Variants in PLCH1 observed in about 807,000 individuals in gnomAD.
The protein encoded by PLCH1 is 1-phosphatidylinositol 4,5-bisphosphate phosphodiesterase eta-1.
In PLCH1, 60 loss-of-function variants were observed where a neutral mutation model predicts 126.7. That is an observed-to-expected ratio of 0.47 (90% CI 0.38 to 0.59). PLCH1 has a LOEUF of 0.59. PLCH1 is among the 20% of genes least tolerant of loss of function. The pLI is 0.00. For missense variants in PLCH1, 1,723 were observed against 2,040.0 expected, an observed-to-expected ratio of 0.84 and a Z score of 2.99; for synonymous variants, 719 against 734.9, an observed-to-expected ratio of 0.98 and a Z score of 0.35.
At chr3:155,724,813 T>TGTGTGTGTG (rs1015618805) in intron 1 of PLCH1, among the ~76,000 whole-genome samples, 9 of 140,064 alleles carry the variant, frequency 6.4e-5, no homozygotes, top group African/African-American at 1.4e-4. Flanking sequence ...TTGGGGGGTT[T>TGTGTGTGTG]TGTGTGTGTG....
At chr3:155,544,455 A>G (rs1724889863) in intron 10 of PLCH1, among the ~76,000 whole-genome samples, 2 of 152,190 alleles carry the variant, frequency 1.3e-5, no homozygotes, top group African/African-American at 4.8e-5. Flanking sequence ...TTAACACCCC[A>G]CTGTCAACAT....
chr3:155,597,251 A>C (rs1448824116), intron 2 of PLCH1, among the ~76,000 whole-genome samples: 1 of 152,180 alleles, frequency 6.6e-6, no homozygotes, highest in Non-Finnish European at 1.5e-5. Context: ...ACTCCCTCCC[A>C]AGAACATAAA....
At position 155,704,157 on chromosome 3, in the gene PLCH1, CTGT is replaced by C; in HGVS notation, c.65_67del (p.Asn22del). ...AAGAGACAGCTTACCATGAAACACACTGTTGTCCACCAGAAAATGCCTGCGGTA... is the reference window on the plus strand; with the variant it reads ...AAGAGACAGCTTACCATGAAACACACTGTCCACCAGAAAATGCCTGCGGTA... On this transcript the variant is annotated inframe_deletion, in exon 2 of 23. Transcript: ENST00000460012. 1 of 1,219,708 alleles carries C rather than the reference CTGT, an allele frequency of 8.2e-7. No homozygotes were observed. The highest frequency in any genetic ancestry group is 1.0e-6 in the Non-Finnish European group (1 of 976,936). 75.6% of individuals were successfully genotyped at this position (1,219,708 alleles called of 1,614,324 possible).
intron 8 of PLCH1, among the ~76,000 whole-genome samples, chr3:155,560,207 C>A (rs1727385776): frequency 6.6e-6 from 1 of 152,136 alleles, no homozygotes; most frequent in Non-Finnish European, 1.5e-5. Context: ...GTACTTGAAC[C>A]TCCAAGAAAA....
At chr3:155,486,614 T>TC (rs1200593316) in intron 21 of PLCH1, among the ~76,000 whole-genome samples, 1 of 150,274 alleles carries the variant, frequency 6.7e-6, no homozygotes, top group East Asian at 2.0e-4. Flanking sequence ...AAGCTCCGCT[T>TC]CCCGGGTTCA....
At chr3:155,597,834 G>C (rs1034470181) in intron 2 of PLCH1, among the ~76,000 whole-genome samples, 4 of 152,162 alleles carry the variant, frequency 2.6e-5, no homozygotes, top group African/African-American at 9.7e-5. Context: ...AGAAGATGAA[G>C]TATAGGTTGC....
chr3:155,514,677 C>CT (rs371130892), intron 12 of PLCH1, 46 bp downstream of exon 12: 1,360 of 1,218,318 alleles, frequency 1.1e-3, no homozygotes, highest in Non-Finnish European at 1.3e-3. Context: ...GTATGAGATG[C>CT]TTTTTTTTTC....
chr3:155,713,511 T>C (rs1747295077), intron 1 of PLCH1, among the ~76,000 whole-genome samples: 1 of 152,176 alleles, frequency 6.6e-6, no homozygotes, highest in Non-Finnish European at 1.5e-5. Flanking sequence ...GAGGTGTGTG[T>C]GTTCTCCAAA....
chr3:155,529,318 T>C (rs1722357861), intron 10 of PLCH1, among the ~76,000 whole-genome samples: 2 of 152,064 alleles, frequency 1.3e-5, no homozygotes, highest in South Asian at 4.1e-4. Context: ...TTCACATCTG[T>C]AAAAGCAGGA....
chr3:155,663,135 A>G (rs1464451487), intron 2 of PLCH1, among the ~76,000 whole-genome samples: 1 of 152,242 alleles, frequency 6.6e-6, no homozygotes, highest in East Asian at 1.9e-4. Flanking sequence ...GGAATGAGAC[A>G]CTGTCCCTGT....
At chr3:155,451,159 G>T (rs1712299773) in intron 21 of PLCH1, among the ~76,000 whole-genome samples, 1 of 151,724 alleles carries the variant, frequency 6.6e-6, no homozygotes, top group African/African-American at 2.4e-5. Context: ...ATAAATAAGA[G>T]AATTCAAATT....
At chr3:155,527,097 G>C (rs1012420781) in intron 10 of PLCH1, among the ~76,000 whole-genome samples, 1 of 152,096 alleles carries the variant, frequency 6.6e-6, no homozygotes, top group African/African-American at 2.4e-5. Context: ...TCAATGTCTG[G>C]GACAGGTTCA....
At chr3:155,687,423 T>C (rs1227277086) in intron 2 of PLCH1, among the ~76,000 whole-genome samples, 2 of 152,158 alleles carry the variant, frequency 1.3e-5, no homozygotes, top group Admixed American at 6.5e-5. Context: ...TATAAATTAA[T>C]CTAATTTAGA....
At chr3:155,599,104 T>C (rs1031687418) in intron 2 of PLCH1, among the ~76,000 whole-genome samples, 3 of 149,010 alleles carry the variant, frequency 2.0e-5, no homozygotes, top group African/African-American at 4.9e-5. Flanking sequence ...AGTGAATCTG[T>C]TGGGACTCTG....
At chr3:155,708,812 C>T (rs1282514162) in intron 1 of PLCH1, among the ~76,000 whole-genome samples, 1 of 152,070 alleles carries the variant, frequency 6.6e-6, no homozygotes. Context: ...ACATTCAGAA[C>T]TCGATAAGCA....
chr3:155,547,784 G>T (rs539326335), intron 10 of PLCH1, among the ~76,000 whole-genome samples: 413 of 149,628 alleles, frequency 2.8e-3, no homozygotes, highest in Non-Finnish European at 4.8e-3. Flanking sequence ...GTAAACTATC[G>T]CAAGAACAAA....
At chr3:155,462,959 T>C (rs1712783688) in intron 21 of PLCH1, among the ~76,000 whole-genome samples, 1 of 152,170 alleles carries the variant, frequency 6.6e-6, no homozygotes, top group Non-Finnish European at 1.5e-5. Context: ...AGAAAGTAGA[T>C]AGGAAAGATA....
chr3:155,485,308 C>T (rs1278283326), intron 22 of PLCH1, 48 bp downstream of exon 22: 2 of 1,182,508 alleles, frequency 1.7e-6, no homozygotes, highest in Non-Finnish European at 2.5e-6. Context: ...CAGGGACTGA[C>T]ATGCAGCCTA....
chr3:155,716,919 AAATG>A (rs1747562139), intron 1 of PLCH1, among the ~76,000 whole-genome samples: 1 of 152,250 alleles, frequency 6.6e-6, no homozygotes, highest in Non-Finnish European at 1.5e-5. Context: ...TCTCATCTGG[AAATG>A]AGTTCCTTCC....
Sources: allele counts gnomAD v4.1 joint callset (sites outside exome capture counted in the v4.1 genomes callset), GRCh38; gene constraint gnomAD v4.1.1; transcripts MANE v1.5; gene names NCBI Gene and HGNC (gene_info 2026-07-23, HGNC 2026-07-21).